Variants in DPH1 observed in about 807,000 individuals in gnomAD.
DPH1 encodes the protein diphthamide biosynthesis 1.
In DPH1, 59 loss-of-function variants were observed where a neutral mutation model predicts 55.3. That is an observed-to-expected ratio of 1.07 (90% CI 0.87 to 1.33). DPH1 has a LOEUF of 1.33. Among genes scored for constraint, DPH1 ranks in the 40% most tolerant of loss-of-function variants. DPH1 has a pLI of 0.00. For synonymous variants in DPH1, 238 were observed against 235.5 expected (o/e 1.01, Z -0.10); for missense variants, 628 against 584.8 (o/e 1.07, Z -0.76).
intron 6 of DPH1, chr17:2,038,839 C>A (rs1237528659): frequency 6.6e-6 from 1 of 152,198 alleles, no homozygotes; most frequent in African/African-American, 2.4e-5. Context: ...TCTCTAGAAC[C>A]CCAGGTGGCC....
chr17:2,042,984 G>A lies in DPH1; in HGVS notation c.*398G>A. 1 of 1,614,100 alleles carries A rather than the reference G, an allele frequency of 6.2e-7. No individual in the cohort carries two copies. ...AAGTCATCCCCTCTCAGGAGAGTGT[G>A]CAACTGGCCAGCCAATTTCCCGGAG... On this transcript the variant is annotated 3_prime_UTR_variant, in exon 13 of 13. Transcript: ENST00000263083.
Position 2,042,257 on chromosome 17 carries a change from G to A in DPH1, c.*19-348G>A. 2 of 1,408,206 alleles carry A rather than the reference G, an allele frequency of 1.4e-6. 1 individual carries two copies. The highest frequency in any genetic ancestry group is 3.0e-5 in the South Asian group (2 of 66,120). The allele number at this position is 1,408,206 out of a possible 1,614,324, so 87.2% of individuals were successfully genotyped here. ...GTGAGACAAGCCCCGCTCCGGAAAC[G>A]CACTCAGTTTCCTCCATCTTGTTTC... is the stretch of plus-strand genomic sequence containing the variant. On this transcript the variant is annotated intron_variant, in intron 12 of 12. Coordinates refer to ENST00000263083, the MANE Select transcript of DPH1 (RefSeq NM_001383.6).
intron 1 of DPH1, among the ~76,000 whole-genome samples, chr17:2,031,894 C>G (rs1567541810): frequency 6.6e-6 from 1 of 152,242 alleles, no homozygotes; most frequent in East Asian, 1.9e-4. Flanking sequence ...TCTTTTCCCC[C>G]ACTAGACTGC....
Position 2,036,368 on chromosome 17 carries a change from G to A in DPH1, c.401-161G>A. 9.0e-7 allele frequency: 1 copy of A among 1,116,652 alleles called. No individual in the cohort carries two copies. Among genetic ancestry groups the A allele is most frequent in the Non-Finnish European group, 1.3e-6 (1 of 785,572 alleles). The allele number at this position is 1,116,652 out of a possible 1,614,324, so 69.2% of individuals were successfully genotyped here. On this transcript the variant is annotated intron_variant, in intron 4 of 12. Transcript: ENST00000263083. The surrounding 1 kb of genome is among the most constrained non-coding windows in gnomAD (Gnocchi z 4.8). The stretch of plus-strand genomic sequence containing the variant: ...CCGGGTGACAGAGAAGTCTGATTGA[G>A]AAGGAGCTTCTAGGGGATCTGTGAC...
At position 2,033,746 on chromosome 17, in the gene DPH1, C is replaced by T. The variant is rs780472646; in HGVS notation, c.215-33C>T. 19 of 1,614,196 alleles carry T rather than the reference C, an allele frequency of 1.2e-5. No individual in the cohort carries two copies. In the South Asian group the frequency reaches 1.9e-4, roughly 16 times the overall value. ...GTCCCCCTTGCAGCCCCTTCCTAGC[C>T]CTCCACCTCTCATGTCTCTGCTCGT... is the stretch of plus-strand genomic sequence containing the variant. On this transcript the variant is annotated intron_variant, in intron 2 of 12. Transcript: ENST00000263083.
Position 2,036,701 on chromosome 17 carries a change from G to C in DPH1, c.558+15G>C. 6.2e-7 allele frequency: 1 copy of C among 1,613,784 alleles called. No homozygotes were observed. The highest frequency in any genetic ancestry group is 1.1e-5 in the South Asian group (1 of 91,080). ...CGACCTTGCAGGTGGGTGGAACGAG[G>C]ATCCTCGGCCTCCTGCAGGGTGGAC... On this transcript the variant is annotated intron_variant, in intron 5 of 12. Transcript: ENST00000263083. The surrounding 1 kb of genome is among the most constrained non-coding windows in gnomAD (Gnocchi z 4.8).
rs2151341681 is a variant in DPH1, at chr17:2,033,546, G to T, written c.103G>T (p.Glu35Ter). ...CCGCGTGGCCAATCAGATCCCCCCT[G>T]AGATCCTGAAGAACCCTCAGCTGCA... ...RGRVANQIPP[E>*]ILKNPQLQAA... Residue 35 changes from glutamate to a stop codon, truncating the protein, a stop_gained, in exon 2 of 13, where the codon GAG (glutamate) becomes TAG (stop). Coordinates refer to ENST00000263083, the MANE Select transcript of DPH1 (RefSeq NM_001383.6). LOFTEE classifies it high-confidence loss of function. The T allele has an allele frequency of 6.2e-7, 1 of 1,614,170 alleles. No individual in the cohort carries two copies. Among genetic ancestry groups the T allele is most frequent in the East Asian group, 2.2e-5 (1 of 44,882 alleles).
intron 1 of DPH1, 100 bp from the exon 2 acceptor site, chr17:2,033,405 G>C: frequency 3.2e-6 from 5 of 1,579,262 alleles, no homozygotes; most frequent in East Asian, 2.2e-5. Context: ...TTCTATGCTT[G>C]AGCGGGGGCA....
intron 12 of DPH1, 127 bp from the exon 13 acceptor site, chr17:2,042,478 C>G (rs777722231): frequency 1.5e-6 from 2 of 1,378,796 alleles, no homozygotes; most frequent in Non-Finnish European, 1.9e-6. Flanking sequence ...CCTCTCATTT[C>G]CCCCAGACTT....
chr17:2,034,720 A>C (rs1211443769), intron 3 of DPH1, among the ~76,000 whole-genome samples: 1 of 816 alleles, frequency 1.2e-3, no homozygotes, highest in Admixed American at 0.019. Flanking sequence ...CTGCTGCCCC[A>C]TTCCCCTCCC....
At chr17:2,032,177 C>G (rs1021680650) in intron 1 of DPH1, among the ~76,000 whole-genome samples, 1 of 152,178 alleles carries the variant, frequency 6.6e-6, no homozygotes, top group Non-Finnish European at 1.5e-5. Flanking sequence ...GACCTCATAT[C>G]TAGAAGCTCA....
At chr17:2,042,262 C>G in intron 12 of DPH1, 1 of 1,405,606 alleles carries the variant, frequency 7.1e-7, no homozygotes, top group Non-Finnish European at 9.2e-7. Flanking sequence ...GAAACGCACT[C>G]AGTTTCCTCC....
chr17:2,039,832 T>TGGGCC lies in DPH1; in HGVS notation c.749+14_749+18dup, dbSNP rs754785798. ...AATGTCCCCGCTTACCGGTATGGGC[T>TGGGCC]GGGCCGGGCTGGGCTGACCAGCTGG... On this transcript the variant is annotated intron_variant, in intron 7 of 12. Transcript: ENST00000263083. 103 of 1,613,856 alleles carry TGGGCC rather than the reference T, an allele frequency of 6.4e-5. No individual in the cohort carries two copies. The highest frequency in any genetic ancestry group is 8.1e-5 in the Non-Finnish European group (95 of 1,180,012).
chr17:2,042,923 C>G lies in DPH1; in HGVS notation c.*337C>G. On this transcript the variant is annotated 3_prime_UTR_variant, in exon 13 of 13. Coordinates refer to ENST00000263083, the MANE Select transcript of DPH1 (RefSeq NM_001383.6). ...GAATCCATCCTGCAAAGGCCCTTGT[C>G]ATTGCCTTCGCTCCATGTTTTTGGG... The G allele has an allele frequency of 6.2e-7, 1 of 1,614,180 alleles. No individual in the cohort carries two copies. The highest frequency in any genetic ancestry group is 1.1e-5 in the South Asian group (1 of 91,086).
Position 2,043,883 on chromosome 17 carries a change from T to G in DPH1, c.*1297T>G, listed in dbSNP as rs1014790510. ...AGACAGTACAGAATAAACAGCTTCT[T>G]CCTAAATTGACCCCATCTTGAGGGT... On this transcript the variant is annotated 3_prime_UTR_variant, in exon 13 of 13. Transcript: ENST00000263083. Among the ~76,000 whole-genome samples the G allele has an allele frequency of 3.3e-5, 5 of 152,206 alleles. No individual in the cohort carries two copies. The highest frequency in any genetic ancestry group is 1.2e-4 in the African/African-American group (5 of 41,452).
intron 3 of DPH1, 102 bp from the exon 4 acceptor site, chr17:2,035,868 G>A: frequency 2.0e-6 from 3 of 1,535,092 alleles, no homozygotes; most frequent in Non-Finnish European, 2.7e-6. Context: ...GGGAGAGGTA[G>A]GGAGAGAGGA....
chr17:2,033,395 T>G, intron 1 of DPH1, 110 bp from the exon 2 acceptor site: 1 of 1,550,084 alleles, frequency 6.5e-7, no homozygotes, highest in South Asian at 1.2e-5. Flanking sequence ...AAATTTTTAT[T>G]TCTATGCTTG....
Position 2,043,718 on chromosome 17 carries a change from C to T in DPH1, c.*1132C>T, listed in dbSNP as rs2067585919. The T allele has an allele frequency of 6.5e-6, 1 of 153,360 alleles. No homozygotes were observed. The highest frequency in any genetic ancestry group is 2.0e-4 in the South Asian group (1 of 4,894). The allele number at this position is 153,360 out of a possible 1,614,324, so 9.5% of individuals were successfully genotyped here. On this transcript the variant is annotated 3_prime_UTR_variant, in exon 13 of 13. Transcript: ENST00000263083. ...CCTGAACCACAGTAATTTAGTCTTCCTCTATCCAGATCACTGAGAGTTGTG... is the reference window on the plus strand; with the variant it reads ...CCTGAACCACAGTAATTTAGTCTTCTTCTATCCAGATCACTGAGAGTTGTG...
chr17:2,042,577 C>T (rs2067561514), intron 12 of DPH1, 28 bp from the exon 13 acceptor site: 1 of 1,508,166 alleles, frequency 6.6e-7, no homozygotes, highest in Non-Finnish European at 8.8e-7. Context: ...ATGCCCTAAT[C>T]CCATCCTTTT....
Sources: gnomAD v4.1 joint callset for allele counts (sites outside exome capture counted in the v4.1 genomes callset) on GRCh38, gnomAD v4.1.1 for gene constraint, Gnocchi (gnomAD v3.1) non-coding constraint, MANE v1.5 for transcripts, NCBI Gene and HGNC (gene_info 2026-07-23, HGNC 2026-07-21) for gene names.